Variants in LCORL observed in about 807,000 individuals in gnomAD.
LCORL encodes ligand-dependent nuclear receptor corepressor-like protein.
A neutral mutation model predicts 141.8 loss-of-function variants in LCORL; 41 were observed. The observed-to-expected ratio is 0.29, with a 90% confidence interval of 0.23 to 0.38. The LOEUF (loss-of-function observed/expected upper bound fraction) is 0.38, where lower values mean the gene tolerates loss of function less well. Ranked by LOEUF, LCORL falls within the 10% of genes least tolerant of loss-of-function variation. LCORL has a pLI of 1.00. For missense variants in LCORL, 1,759 were observed against 2,035.0 expected (o/e 0.86, Z 2.61); for synonymous variants, 618 against 694.1 (o/e 0.89, Z 1.72).
intron 1 of LCORL, among the ~76,000 whole-genome samples, chr4:18,019,433 C>G (rs899727961): frequency 2.0e-5 from 3 of 152,176 alleles, no homozygotes; most frequent in Admixed American, 2.0e-4. Flanking sequence ...TAGTTAGAAG[C>G]CAGGGACAAA....
At chr4:17,955,865 T>C (rs1712515824) in intron 4 of LCORL, among the ~76,000 whole-genome samples, 1 of 151,924 alleles carries the variant, frequency 6.6e-6, no homozygotes, top group South Asian at 2.1e-4. Flanking sequence ...CTGAACTGAG[T>C]ACAGAGAGAA....
chr4:17,966,305 A>C (rs1006649030), intron 2 of LCORL, among the ~76,000 whole-genome samples: 1 of 152,154 alleles, frequency 6.6e-6, no homozygotes, highest in African/African-American at 2.4e-5. Flanking sequence ...AATTTTTAAT[A>C]CTAGAAATGA....
intron 4 of LCORL, among the ~76,000 whole-genome samples, chr4:17,909,879 T>C (rs1395325392): frequency 1.3e-5 from 2 of 152,112 alleles, no homozygotes; most frequent in Non-Finnish European, 2.9e-5. Context: ...TAGAAAAATT[T>C]TGATTATAAA....
chr4:17,883,670 GCAAACA>G, intron 6 of LCORL: 1 of 1,236,594 alleles, frequency 8.1e-7, no homozygotes, highest in Non-Finnish European at 1.1e-6. Flanking sequence ...ACACACACAC[GCAAACA>G]CACACACACA....
intron 5 of LCORL, among the ~76,000 whole-genome samples, chr4:17,887,410 TAC>T (rs779511156): frequency 7.2e-5 from 11 of 152,144 alleles, no homozygotes; most frequent in Non-Finnish European, 1.2e-4. Flanking sequence ...GCTGCTGTTT[TAC>T]ACAGTGTTAT....
At chr4:18,011,658 A>C (rs1723814480) in intron 1 of LCORL, among the ~76,000 whole-genome samples, 1 of 152,216 alleles carries the variant, frequency 6.6e-6, no homozygotes, top group African/African-American at 2.4e-5. Flanking sequence ...AGAGATCAGC[A>C]AACTATGGTT....
intron 5 of LCORL, among the ~76,000 whole-genome samples, chr4:17,893,066 A>C (rs190212565): frequency 8.5e-5 from 13 of 152,340 alleles, no homozygotes; most frequent in Non-Finnish European, 1.5e-4. Context: ...ATAAAAGTAC[A>C]ATCTAACTAT....
At chr4:18,000,597 C>A (rs1362002471) in intron 1 of LCORL, among the ~76,000 whole-genome samples, 1 of 143,176 alleles carries the variant, frequency 7.0e-6, no homozygotes, top group African/African-American at 2.8e-5. Context: ...TAAAAGTGAA[C>A]GAACTATATC....
chr4:18,005,369 T>A (rs1722630038), intron 1 of LCORL, among the ~76,000 whole-genome samples: 1 of 152,138 alleles, frequency 6.6e-6, no homozygotes, highest in Non-Finnish European at 1.5e-5. Context: ...CACAGGCTGA[T>A]GTTGAGTGTC....
At chr4:17,968,245 CA>C (rs1186211309) in intron 2 of LCORL, among the ~76,000 whole-genome samples, 3 of 152,280 alleles carry the variant, frequency 2.0e-5, no homozygotes, top group African/African-American at 4.8e-5. Flanking sequence ...ATTACATTTG[CA>C]CCAACTTAAA....
exon 8 of LCORL, chr4:17,843,042 T>C (rs1271176231): frequency 1.2e-5 from 3 of 248,236 alleles, no homozygotes; most frequent in Admixed American, 9.9e-5. Context: ...CATTACAAGT[T>C]TGTGGCTTTT....
chr4:17,964,758 C>G (rs1714528224), intron 2 of LCORL, among the ~76,000 whole-genome samples: 1 of 152,096 alleles, frequency 6.6e-6, no homozygotes, highest in Admixed American at 6.6e-5. Context: ...CCAGATCACC[C>G]ATAAGCGTGC....
At chr4:17,911,848 A>G in intron 4 of LCORL, 1 of 457,354 alleles carries the variant, frequency 2.2e-6, no homozygotes, top group Non-Finnish European at 4.2e-6. Context: ...GGGCGGCTTG[A>G]GGTCCGGGGA....
At chr4:17,892,314 T>C (rs1486869470) in intron 5 of LCORL, among the ~76,000 whole-genome samples, 1 of 151,552 alleles carries the variant, frequency 6.6e-6, no homozygotes, top group African/African-American at 2.4e-5. Flanking sequence ...GTTCGAGTGA[T>C]TCTCCTGCCT....
intron 1 of LCORL, among the ~76,000 whole-genome samples, chr4:17,989,042 G>A (rs1719522630): frequency 6.6e-6 from 1 of 152,182 alleles, no homozygotes; most frequent in South Asian, 2.1e-4. Context: ...TTCCATGGAT[G>A]TGGCCAATTT....
chr4:17,939,176 A>C (rs1018896064), intron 4 of LCORL, among the ~76,000 whole-genome samples: 5 of 152,214 alleles, frequency 3.3e-5, no homozygotes, highest in African/African-American at 1.2e-4. Context: ...GAACGTGAAA[A>C]TGTGCACAAC....
chr4:17,986,014 T>G (rs1176398926), intron 1 of LCORL, among the ~76,000 whole-genome samples: 1 of 152,184 alleles, frequency 6.6e-6, no homozygotes, highest in East Asian at 1.9e-4. Flanking sequence ...CACCTTTGCT[T>G]AGGAAGCTTA....
chr4:17,909,517 T>A (rs1163396184), intron 4 of LCORL, among the ~76,000 whole-genome samples, 172 bp from the exon 5 acceptor site: 2 of 152,296 alleles, frequency 1.3e-5, no homozygotes, highest in African/African-American at 4.8e-5. Flanking sequence ...TAATCAGCTT[T>A]ATAATAATAT....
intron 6 of LCORL, chr4:17,880,833 G>C: frequency 1.2e-6 from 1 of 862,572 alleles, no homozygotes; most frequent in Non-Finnish European, 1.4e-6. Flanking sequence ...GAATTCATTA[G>C]AAAATATTGT....
Sources: allele counts gnomAD v4.1 joint callset (sites outside exome capture counted in the v4.1 genomes callset), GRCh38; gene constraint gnomAD v4.1.1; transcripts MANE v1.5; gene names NCBI Gene and HGNC (gene_info 2026-07-23, HGNC 2026-07-21).